CDC42EP2: variants seen among roughly 807,000 people sequenced by gnomAD.
The protein encoded by CDC42EP2 is CDC42 effector protein (Rho GTPase binding) 2.
Under a neutral mutation model 7.3 loss-of-function variants are expected in CDC42EP2, and 5 were observed. The observed-to-expected ratio is 0.68, with a 90% CI of 0.36 to 1.44. The LOEUF (loss-of-function observed/expected upper bound fraction) is 1.44. CDC42EP2 is among the 40% of genes most tolerant of loss of function. The probability of loss-of-function intolerance (pLI) is 0.04; values close to 1 mark genes in which losing one functional copy is unlikely to be tolerated. For missense variants in CDC42EP2, 251 were observed against 282.6 expected, an observed-to-expected ratio of 0.89 and a Z score of 0.80; for synonymous variants, 113 against 123.6, an observed-to-expected ratio of 0.91 and a Z score of 0.57.
rs1230859304 is a variant in CDC42EP2 at position 65,322,392 on chromosome 11, C to T, written c.*861C>T. 6.0e-6 allele frequency: 1 copy of T among 166,764 alleles called. No individual in the cohort carries two copies. Among genetic ancestry groups the T allele is most frequent in the African/African-American group, 2.4e-5 (1 of 41,412 alleles). The allele number at this position is 166,764 out of a possible 1,614,324, so 10.3% of individuals were successfully genotyped here. A position where few individuals can be genotyped will look rare whatever the true frequency, so the allele number is the denominator to read the frequency against. On this transcript the variant is annotated 3_prime_UTR_variant, in exon 2 of 2. Transcript: ENST00000279249. ...GTCAGCTGGGGTCTGGTGGGGGACA[C>T]CCAAGAATAAAAGAATAACCACAAA...
In CDC42EP2 at chr11:65,320,762, AG is replaced by A; in HGVS notation, c.-136del. The A allele has an allele frequency of 2.4e-6, 2 of 835,494 alleles. No individual in the cohort carries two copies. The highest frequency in any genetic ancestry group is 3.7e-6 in the Non-Finnish European group (2 of 543,444). The allele number at this position is 835,494 out of a possible 1,614,324, so 51.8% of individuals were successfully genotyped here. Reference sequence around the variant, plus strand: ...TTGTTCGTGCCCCCACACTGTAGCCAGAAGCCCGTTGGCGAGCTCTGGCACC... The same window carrying A: ...TTGTTCGTGCCCCCACACTGTAGCCAAAGCCCGTTGGCGAGCTCTGGCACC... On this transcript the variant is annotated 5_prime_UTR_variant, in exon 2 of 2. Coordinates refer to ENST00000279249, the MANE Select transcript of CDC42EP2 (RefSeq NM_006779.4).
In CDC42EP2 at chr11:65,321,618, C is replaced by T; in HGVS notation, c.*87C>T. On this transcript the variant is annotated 3_prime_UTR_variant, in exon 2 of 2. Transcript: ENST00000279249. This position sits in a 1 kb window ranked among gnomAD's most constrained non-coding sequence, Gnocchi z 4.4. ...CCGGCCCTGGCGGCGGAGTCAGGGT[C>T]CCAAGATCCCACCTGTATGGTCGCT... 8.0e-7 allele frequency: 1 copy of T among 1,251,014 alleles called. No individual in the cohort carries two copies. Among genetic ancestry groups the T allele is most frequent in the Non-Finnish European group, 1.1e-6 (1 of 890,496 alleles). 77.5% of individuals were successfully genotyped at this position (1,251,014 alleles called of 1,614,324 possible).
intron 1 of CDC42EP2, among the ~76,000 whole-genome samples, chr11:65,316,730 T>C (rs761493396): frequency 1.2e-4 from 19 of 152,326 alleles, no homozygotes; most frequent in African/African-American, 2.9e-4. Context: ...TCCTAGGGTC[T>C]TGCAGTTGCC....
At chr11:65,320,382 A>G (rs951642066) in intron 1 of CDC42EP2, among the ~76,000 whole-genome samples, 162 bp from the exon 2 acceptor site, 3 of 152,184 alleles carry the variant, frequency 2.0e-5, no homozygotes, top group Non-Finnish European at 2.9e-5. Flanking sequence ...GAGGCAGAAG[A>G]ATTGCTTGAA....
At chr11:65,318,152 G>A (rs1421906702) in intron 1 of CDC42EP2, among the ~76,000 whole-genome samples, 6 of 151,744 alleles carry the variant, frequency 4.0e-5, no homozygotes, top group Non-Finnish European at 8.8e-5. Context: ...CTGGAGTGCA[G>A]TGGCACGATC....
intron 1 of CDC42EP2, among the ~76,000 whole-genome samples, chr11:65,318,949 A>C (rs533677707): frequency 7.7e-6 from 1 of 129,640 alleles, no homozygotes; most frequent in South Asian, 2.4e-4. Context: ...CCATGCAGTT[A>C]CACAACATGC....
At chr11:65,318,870 T>A (rs1949960793) in intron 1 of CDC42EP2, among the ~76,000 whole-genome samples, 1 of 72,174 alleles carries the variant, frequency 1.4e-5, no homozygotes, top group Non-Finnish European at 2.5e-5. Flanking sequence ...GCACCTGACT[T>A]TTTTTTTTTT....
At chr11:65,317,978 C>T (rs866394201) in intron 1 of CDC42EP2, among the ~76,000 whole-genome samples, 1 of 152,030 alleles carries the variant, frequency 6.6e-6, no homozygotes, top group Non-Finnish European at 1.5e-5. Flanking sequence ...TGACTCCTTT[C>T]CTCCCATATC....
Position 65,314,954 on chromosome 11 carries a change from G to C in CDC42EP2, c.-356G>C, listed in dbSNP as rs1451250115. On this transcript the variant is annotated splice_region_variant and 5_prime_UTR_variant, in exon 1 of 2. Transcript: ENST00000279249. ...CCGGTCTGCCGTCTGCGCGCCTCAC[G>C]GTGAGTTCGGGCTGGGATTTTCGCA... The C allele has an allele frequency of 6.6e-6, 1 of 152,298 alleles. No homozygotes were observed. Among genetic ancestry groups the C allele is most frequent in the Non-Finnish European group, 1.5e-5 (1 of 68,098 alleles). 9.4% of individuals were successfully genotyped at this position (152,298 alleles called of 1,614,324 possible).
At chr11:65,319,842 CCCCACA>C (rs1190040494) in intron 1 of CDC42EP2, among the ~76,000 whole-genome samples, 2 of 152,164 alleles carry the variant, frequency 1.3e-5, no homozygotes, top group Non-Finnish European at 2.9e-5. Context: ...TTGTGAGGCC[CCCCACA>C]ATCTGGCACT....
At chr11:65,317,121 C>T (rs1949951483) in intron 1 of CDC42EP2, 1 of 152,264 alleles carries the variant, frequency 6.6e-6, no homozygotes, top group East Asian at 1.9e-4. Context: ...GACGGGATTC[C>T]AAGACCTCAG....
Position 65,321,164 on chromosome 11 carries a change from C to A in CDC42EP2, c.266C>A (p.Ala89Asp). The A allele has an allele frequency of 6.2e-7, 1 of 1,614,142 alleles. No individual in the cohort carries two copies. The highest frequency in any genetic ancestry group is 8.5e-7 in the Non-Finnish European group (1 of 1,179,982). ...CTCCCCTTCCAGTTCACCCGCACCG[C>A]CACCGTGTGTGGGCGGGAGCTCCCG... ...FDLPFQFTRT[A>D]TVCGRELPDG... Residue 89 changes from alanine (A) to aspartate (D), a missense_variant, in exon 2 of 2, where the codon GCC (alanine) becomes GAC (aspartate). Transcript: ENST00000279249. The surrounding 1 kb of genome is among the most constrained non-coding windows in gnomAD (Gnocchi z 4.4).
At chr11:65,316,618 A>G (rs1949949056) in intron 1 of CDC42EP2, among the ~76,000 whole-genome samples, 1 of 152,104 alleles carries the variant, frequency 6.6e-6, no homozygotes, top group Non-Finnish European at 1.5e-5. Context: ...ATGTTACTTA[A>G]CATCTCTGAG....
intron 1 of CDC42EP2, among the ~76,000 whole-genome samples, chr11:65,319,875 G>A (rs533851183): frequency 2.0e-4 from 30 of 152,352 alleles, no homozygotes; most frequent in African/African-American, 7.2e-4. Context: ...GTGGGGCACA[G>A]GTGATGTGCA....
At position 65,321,036 on chromosome 11, in the gene CDC42EP2, C is replaced by T. The variant is rs140134278; in HGVS notation, c.138C>T (p.Gly46=). 58 of 1,614,040 alleles carry T rather than the reference C, an allele frequency of 3.6e-5. No homozygotes were observed. The highest frequency in any genetic ancestry group is 2.0e-4 in the African/African-American group (15 of 75,054). The change falls in exon 2 of 2, where the codon GGC becomes GGT. Residue 46 remains glycine, a synonymous_variant. Coordinates refer to ENST00000279249, the MANE Select transcript of CDC42EP2 (RefSeq NM_006779.4). This position sits in a 1 kb window ranked among gnomAD's most constrained non-coding sequence, Gnocchi z 4.4. ...DFRHTIHIGS[G]GGSDMFGDIS... is the part of the protein sequence containing the mutation. ...GCCACACCATTCATATTGGCAGTGG[C>T]GGCGGCAGTGACATGTTTGGCGACA...
At chr11:65,316,748 A>G (rs371852291) in intron 1 of CDC42EP2, among the ~76,000 whole-genome samples, 14 of 152,186 alleles carry the variant, frequency 9.2e-5, no homozygotes, top group African/African-American at 3.4e-4. Flanking sequence ...GCCAAATCTA[A>G]ATTCCTGGGG....
chr11:65,321,009 C>T lies in CDC42EP2; in HGVS notation c.111C>T (p.Phe37=). The change falls in exon 2 of 2, where the codon TTC becomes TTT. Residue 37 remains phenylalanine (F), a synonymous_variant. Transcript: ENST00000279249. The surrounding 1 kb of genome is among the most constrained non-coding windows in gnomAD (Gnocchi z 4.4). ...SDMISPPLGD[F]RHTIHIGSGG... ...TGATCAGCCCACCGCTGGGGGACTT[C>T]CGCCACACCATTCATATTGGCAGTG... The T allele has an allele frequency of 3.1e-6, 5 of 1,614,164 alleles. No individual in the cohort carries two copies. Among genetic ancestry groups the T allele is most frequent in the Non-Finnish European group, 4.2e-6 (5 of 1,180,048 alleles).
rs751439981 is a variant in CDC42EP2, at chr11:65,321,304, G to A, written c.406G>A (p.Glu136Lys). 1.2e-6 allele frequency: 2 copies of A among 1,613,966 alleles called. No individual in the cohort carries two copies. The highest frequency in any genetic ancestry group is 1.7e-6 in the Non-Finnish European group (2 of 1,180,020). Residue 136 changes from glutamate to lysine, a missense_variant, in exon 2 of 2, where the codon GAG becomes AAG. Transcript: ENST00000279249. This position sits in a 1 kb window ranked among gnomAD's most constrained non-coding sequence, Gnocchi z 4.4. Reference sequence around the variant, plus strand: ...ACCCAAGCCCCCTCGCCTGCACCTGGAGACCCCTCAGCCTTCCCCACAGGA... The same window carrying A: ...ACCCAAGCCCCCTCGCCTGCACCTGAAGACCCCTCAGCCTTCCCCACAGGA... The part of the protein sequence containing the change: ...APPKPPRLHL[E>K]TPQPSPQEGG...
Position 65,320,940 on chromosome 11 carries a change from C to A in CDC42EP2, c.42C>A (p.Arg14=). The A allele has an allele frequency of 1.9e-6, 3 of 1,609,888 alleles. No homozygotes were observed. Among genetic ancestry groups the A allele is most frequent in the Non-Finnish European group, 1.7e-6 (2 of 1,176,646 alleles). ...CCATCTATCTGAAGCGTGGCAGTCG[C>A]AAGGGCAAGAAGGAGAAGCTTCGGG... The part of the protein sequence containing the change: ...KVPIYLKRGS[R]KGKKEKLRDL... Residue 14 remains arginine, a synonymous_variant, in exon 2 of 2, where the codon CGC becomes CGA. Transcript: ENST00000279249.
Sources: gnomAD v4.1 joint callset for allele counts (sites outside exome capture counted in the v4.1 genomes callset) on GRCh38, gnomAD v4.1.1 for gene constraint, Gnocchi (gnomAD v3.1) non-coding constraint, MANE v1.5 for transcripts, NCBI Gene and HGNC (gene_info 2026-07-23, HGNC 2026-07-21) for gene names.